Variants in DCC observed in about 807,000 individuals in gnomAD.
DCC encodes netrin receptor DCC.
A neutral mutation model predicts 172.5 loss-of-function variants in DCC; 58 were observed. That is an observed-to-expected ratio of 0.34 (90% confidence interval 0.27 to 0.42). The LOEUF is 0.42. Ranked by LOEUF, DCC falls within the 10% of genes least tolerant of loss-of-function variation. The pLI, the probability that DCC is intolerant of heterozygous loss-of-function variation, is 1.00. For missense variants in DCC, 1,740 were observed against 1,791.0 expected (o/e 0.97, Z 0.51); for synonymous variants, 709 against 644.5 (o/e 1.10, Z -1.52).
chr18:53,453,409 G>A (rs950238346), intron 23 of DCC, among the ~76,000 whole-genome samples: 4 of 152,098 alleles, frequency 2.6e-5, no homozygotes, highest in African/African-American at 4.8e-5. Flanking sequence ...AGTAGAAAAC[G>A]CATTCACGAG....
At chr18:52,406,752 G>C (rs1444196094) in intron 1 of DCC, among the ~76,000 whole-genome samples, 1 of 151,968 alleles carries the variant, frequency 6.6e-6, no homozygotes, top group African/African-American at 2.4e-5. Flanking sequence ...AGTTTGGGAG[G>C]TACCCTAGAG....
chr18:53,339,378 T>A (rs1242581090), intron 14 of DCC, among the ~76,000 whole-genome samples: 1 of 152,176 alleles, frequency 6.6e-6, no homozygotes, highest in Non-Finnish European at 1.5e-5. Context: ...TATTCTTACA[T>A]CTGCCTTGGT....
At chr18:53,206,138 A>C (rs56278252) in intron 10 of DCC, among the ~76,000 whole-genome samples, 12 of 196 alleles carry the variant, frequency 0.061, no homozygotes, top group Admixed American at 0.12. Flanking sequence ...ACATATACAT[A>C]TATTATATAT....
Position 53,261,127 on chromosome 18 carries a change from A to G in DCC, c.1912-44451A>G, listed in dbSNP as rs2217498. On this transcript the variant is annotated intron_variant, in intron 12 of 28. Coordinates refer to ENST00000442544, the MANE Select transcript of DCC (RefSeq NM_005215.4). The stretch of plus-strand genomic sequence containing the variant: ...ACCCCTTTCTTTGACTAGGAAAGGG[A>G]ATTGCCTGACCCCTTGCACTTCCCG... Among the ~76,000 whole-genome samples the G allele has an allele frequency of 2.2e-3, 337 of 152,206 alleles. 2 individuals are homozygous for G. The highest frequency in any genetic ancestry group is 7.5e-3 in the African/African-American group (313 of 41,538).
At chr18:52,588,943 T>C (rs1256429308) in intron 1 of DCC, among the ~76,000 whole-genome samples, 1 of 152,136 alleles carries the variant, frequency 6.6e-6, no homozygotes, top group East Asian at 1.9e-4. Flanking sequence ...TTCCAGGCAA[T>C]ATACAATATT....
intron 2 of DCC, among the ~76,000 whole-genome samples, chr18:52,845,979 T>C (rs1386964508): frequency 6.6e-6 from 1 of 152,226 alleles, no homozygotes; most frequent in African/African-American, 2.4e-5. Context: ...AGTGTGCTTA[T>C]GTAAGGATCC....
intron 2 of DCC, among the ~76,000 whole-genome samples, chr18:52,883,096 G>A (rs977358382): frequency 3.3e-5 from 5 of 151,750 alleles, no homozygotes; most frequent in Non-Finnish European, 7.4e-5. Flanking sequence ...GTCTTCATTG[G>A]CATGGGGTAT....
intron 2 of DCC, among the ~76,000 whole-genome samples, chr18:52,866,220 T>A (rs1423124505): frequency 2.0e-5 from 3 of 152,172 alleles, no homozygotes; most frequent in South Asian, 4.1e-4. Context: ...TGGTGTTATT[T>A]CTGAGGCCAG....
intron 1 of DCC, among the ~76,000 whole-genome samples, chr18:52,502,484 T>A (rs1362231346): frequency 6.6e-6 from 1 of 152,204 alleles, no homozygotes; most frequent in African/African-American, 2.4e-5. Context: ...AGATACTGGG[T>A]GATATCCTTG....
At chr18:53,148,713 A>G (rs2043953447) in intron 7 of DCC, among the ~76,000 whole-genome samples, 1 of 152,300 alleles carries the variant, frequency 6.6e-6, no homozygotes, top group East Asian at 1.9e-4. Context: ...TTTTAAAAAG[A>G]AAATGAATGA....
At position 53,066,066 on chromosome 18, in the gene DCC, A is replaced by G. The variant is rs747692609; in HGVS notation, c.1161A>G (p.Ile387Met). 6.2e-7 allele frequency: 1 copy of G among 1,613,316 alleles called. No homozygotes were observed. The highest frequency in any genetic ancestry group is 1.1e-5 in the South Asian group (1 of 91,070). Reference protein sequence around the residue: ...FQIVGGSNLRILGVVKSDEGF... With the variant: ...FQIVGGSNLRMLGVVKSDEGF... ...CCTAGGGAGGAAGCAACTTACGGAT[A>G]CTTGGGGTGGTGAAGTCAGATGAAG... The change falls in exon 7 of 29, where the codon ATA becomes ATG. Residue 387 changes from isoleucine to methionine, a missense_variant. Transcript: ENST00000442544.
At chr18:52,361,009 G>T (rs1187157007) in intron 1 of DCC, among the ~76,000 whole-genome samples, 1 of 152,120 alleles carries the variant, frequency 6.6e-6, no homozygotes, top group Non-Finnish European at 1.5e-5. Flanking sequence ...ACAAGCTTTA[G>T]AGTATACTAA....
At chr18:52,826,677 C>T in intron 2 of DCC, among the ~76,000 whole-genome samples, 1 of 151,986 alleles carries the variant, frequency 6.6e-6, no homozygotes, top group Middle Eastern at 3.2e-3. Context: ...TGGGGTTTCA[C>T]CATGTTGCCC....
chr18:53,300,094 A>T (rs575794746), intron 12 of DCC, among the ~76,000 whole-genome samples: 1 of 152,304 alleles, frequency 6.6e-6, no homozygotes, highest in African/African-American at 2.4e-5. Context: ...TATTCTACCA[A>T]CTTAATCAGA....
At chr18:52,834,541 A>G in intron 2 of DCC, among the ~76,000 whole-genome samples, 1 of 150,814 alleles carries the variant, frequency 6.6e-6, no homozygotes, top group East Asian at 2.5e-4. Flanking sequence ...TTGCATGGTG[A>G]GCTCGTCTGG....
chr18:52,837,876 G>A (rs1269327668), intron 2 of DCC, among the ~76,000 whole-genome samples: 3 of 152,168 alleles, frequency 2.0e-5, no homozygotes, highest in Admixed American at 6.5e-5. Flanking sequence ...TGCAGGACTG[G>A]GGAGGCTTTG....
At chr18:53,502,619 T>A (rs2046117319) in intron 27 of DCC, among the ~76,000 whole-genome samples, 1 of 151,918 alleles carries the variant, frequency 6.6e-6, no homozygotes, top group African/African-American at 2.4e-5. Flanking sequence ...TGTCAGCTTT[T>A]AAAAAAAATA....
chr18:52,676,015 T>C (rs961894396), intron 1 of DCC, among the ~76,000 whole-genome samples: 2 of 152,234 alleles, frequency 1.3e-5, no homozygotes, highest in African/African-American at 4.8e-5. Flanking sequence ...AATAGTTTTT[T>C]GTGATTATTC....
intron 1 of DCC, among the ~76,000 whole-genome samples, chr18:52,441,714 G>T (rs1240409279): frequency 6.6e-6 from 1 of 152,092 alleles, no homozygotes; most frequent in Non-Finnish European, 1.5e-5. Context: ...ACAAAAGAAA[G>T]TACTTCAAGC....
Sources: allele counts gnomAD v4.1 joint callset (sites outside exome capture counted in the v4.1 genomes callset), GRCh38; gene constraint gnomAD v4.1.1; transcripts MANE v1.5; gene names NCBI Gene and HGNC (gene_info 2026-07-23, HGNC 2026-07-21).